CLTCL1: variants seen among roughly 807,000 people sequenced by gnomAD.
CLTCL1 encodes clathrin heavy chain like 1.
CLTCL1 carries 159 observed loss-of-function variants against 190.0 expected under a neutral mutation model. The observed-to-expected ratio is 0.84, with a 90% CI of 0.74 to 0.95. The LOEUF (loss-of-function observed/expected upper bound fraction) is 0.95, where lower values mean the gene tolerates loss of function less well. CLTCL1 is among the 40% of genes least tolerant of loss of function. The pLI is 0.00. For synonymous variants in CLTCL1, 752 were observed against 769.6 expected (o/e 0.98, Z 0.38); for missense variants, 1,878 against 2,033.4 (o/e 0.92, Z 1.47).
intron 26 of CLTCL1, among the ~76,000 whole-genome samples, chr22:19,192,231 A>G (rs2146255760): frequency 6.6e-6 from 1 of 151,912 alleles, no homozygotes; most frequent in East Asian, 1.9e-4. Context: ...ATGCCCGGCT[A>G]ATTTTTTGTA....
intron 18 of CLTCL1, 134 bp downstream of exon 18, chr22:19,219,751 G>T: frequency 7.7e-7 from 1 of 1,301,524 alleles, no homozygotes; most frequent in Non-Finnish European, 1.1e-6. Context: ...CTCCCAAATT[G>T]CTGGCATTAC....
intron 6 of CLTCL1, 44 bp from the exon 7 acceptor site, chr22:19,234,750 G>T (rs1440883959): frequency 6.6e-7 from 1 of 1,515,350 alleles, no homozygotes; most frequent in Non-Finnish European, 9.1e-7. Flanking sequence ...CTAGAAGAGT[G>T]CTCCACCATC....
intron 1 of CLTCL1, among the ~76,000 whole-genome samples, chr22:19,283,987 G>A (rs2087814616): frequency 7.5e-6 from 1 of 133,632 alleles, no homozygotes; most frequent in Non-Finnish European, 1.6e-5. Flanking sequence ...GACAGACCCT[G>A]TCTCAAAAAA....
At chr22:19,259,464 T>C (rs973433206) in intron 2 of CLTCL1, among the ~76,000 whole-genome samples, 3 of 152,160 alleles carry the variant, frequency 2.0e-5, no homozygotes, top group African/African-American at 2.4e-5. Flanking sequence ...AGTCTATTGG[T>C]ATCATTTTTC....
intron 2 of CLTCL1, among the ~76,000 whole-genome samples, chr22:19,262,721 C>T (rs906792124): frequency 1.8e-4 from 28 of 151,508 alleles, no homozygotes; most frequent in African/African-American, 6.5e-4. Flanking sequence ...AGGCAAGACC[C>T]TCCACCAGTA....
intron 15 of CLTCL1, among the ~76,000 whole-genome samples, chr22:19,222,422 G>A (rs147981176): frequency 8.1e-4 from 123 of 152,288 alleles, no homozygotes; most frequent in African/African-American, 2.2e-3. Context: ...TGCAAGCGTG[G>A]GAGACAGCCT....
intron 22 of CLTCL1, among the ~76,000 whole-genome samples, chr22:19,203,313 C>G (rs545375712): frequency 6.6e-6 from 1 of 152,280 alleles, no homozygotes; most frequent in Non-Finnish European, 1.5e-5. Flanking sequence ...GAAACTCCAT[C>G]TCAAAAATAA....
Position 19,208,202 on chromosome 22 carries a change from A to G in CLTCL1, c.3552T>C (p.Ser1184=). Residue 1184 remains serine (S), a synonymous_variant, in exon 22 of 33, where the codon TCT becomes TCC. Transcript: ENST00000427926. ...GTCCATTAATAAAATCTTCTAGCTC[A>G]GAAACACGGCTGGTTTTAGCCAAGG... The part of the protein sequence containing the change: ...IFALAKTSRV[S]ELEDFINGPN... 6.2e-7 allele frequency: 1 copy of G among 1,613,912 alleles called. No individual in the cohort carries two copies.
intron 4 of CLTCL1, among the ~76,000 whole-genome samples, chr22:19,239,948 CTTTT>C (rs34417269): frequency 1.5e-5 from 2 of 137,246 alleles, no homozygotes; most frequent in Admixed American, 7.3e-5. Context: ...TCTTTTTCTT[CTTTT>C]TTTTTTTTTT....
At chr22:19,219,035 A>G (rs1248084872) in intron 18 of CLTCL1, among the ~76,000 whole-genome samples, 1 of 152,114 alleles carries the variant, frequency 6.6e-6, no homozygotes, top group East Asian at 1.9e-4. Flanking sequence ...CCTGCTTTGG[A>G]TCCAAGGGCC....
intron 1 of CLTCL1, among the ~76,000 whole-genome samples, chr22:19,279,327 G>C (rs1171437662): frequency 2.0e-5 from 3 of 151,566 alleles, no homozygotes; most frequent in African/African-American, 7.3e-5. Flanking sequence ...AGTAGAGATG[G>C]GGTTTCACCA....
intron 1 of CLTCL1, among the ~76,000 whole-genome samples, chr22:19,289,518 T>C (rs1212120282): frequency 6.6e-6 from 1 of 152,068 alleles, no homozygotes; most frequent in African/African-American, 2.4e-5. Flanking sequence ...ATAAAAATAA[T>C]GAAGCACTAA....
rs782297182 is a variant in CLTCL1, at chr22:19,233,201, C to T, written c.1486G>A (p.Gly496Ser). Residue 496 changes from glycine to serine, a missense_variant, in exon 9 of 33, where the codon GGC becomes AGC. Transcript: ENST00000427926. Reference sequence around the variant, plus strand: ...TAGAGCACAATTTTCTGGAATTGGCCTGTTTCTGCAAAACACTGGATCACT... The same window carrying T: ...TAGAGCACAATTTTCTGGAATTGGCTTGTTTCTGCAAAACACTGGATCACT... ...SKVIQCFAET[G>S]QFQKIVLYAK... 3.1e-6 allele frequency: 5 copies of T among 1,613,748 alleles called. No individual in the cohort carries two copies. The African/African-American group carries it at 5.3e-5, about 17-fold the overall frequency.
At chr22:19,215,618 G>A (rs2085359964) in intron 19 of CLTCL1, among the ~76,000 whole-genome samples, 1 of 152,182 alleles carries the variant, frequency 6.6e-6, no homozygotes, top group African/African-American at 2.4e-5. Flanking sequence ...TCGGAAGCAC[G>A]CACTCGCACC....
intron 24 of CLTCL1, among the ~76,000 whole-genome samples, chr22:19,197,759 C>A (rs2084756632): frequency 6.6e-6 from 1 of 152,172 alleles, no homozygotes; most frequent in Admixed American, 6.5e-5. Context: ...TGCTGACCGG[C>A]CCCTCCTCTC....
At chr22:19,187,873 G>T in intron 28 of CLTCL1, 108 bp downstream of exon 28, 1 of 1,341,012 alleles carries the variant, frequency 7.5e-7, no homozygotes. Flanking sequence ...GTGTCCTGTG[G>T]GGCCTGCACA....
chr22:19,232,891 A>C (rs1248794410), intron 9 of CLTCL1: 1 of 558,226 alleles, frequency 1.8e-6, no homozygotes, highest in African/African-American at 1.9e-5. Flanking sequence ...GGAGTCTGCC[A>C]AAATATCAAA....
intron 4 of CLTCL1, among the ~76,000 whole-genome samples, chr22:19,241,740 T>C (rs533189830): frequency 6.6e-6 from 1 of 152,304 alleles, no homozygotes; most frequent in South Asian, 2.1e-4. Context: ...CCTCTGCCCA[T>C]GGCAGCCCTG....
At position 19,229,836 on chromosome 22, in the gene CLTCL1, A is replaced by G; in HGVS notation, c.1782+2T>C. 6.2e-7 allele frequency: 1 copy of G among 1,606,424 alleles called. No homozygotes were observed. ...CTCGGTGTTAGCCTACAAGTCACTGACCTGGGGTGCATGAACAAGGTTCAT... is the reference window on the plus strand; with the variant it reads ...CTCGGTGTTAGCCTACAAGTCACTGGCCTGGGGTGCATGAACAAGGTTCAT... On this transcript the variant is annotated splice_donor_variant, in intron 11 of 32. Transcript: ENST00000427926. LOFTEE classifies it high-confidence loss of function.
Sources: gnomAD v4.1 joint callset for allele counts (sites outside exome capture counted in the v4.1 genomes callset) on GRCh38, gnomAD v4.1.1 for gene constraint, MANE v1.5 for transcripts, NCBI Gene and HGNC (gene_info 2026-07-23, HGNC 2026-07-21) for gene names.